THAP3: variants seen among roughly 807,000 people sequenced by gnomAD.
THAP3 encodes the protein THAP domain containing 3.
In THAP3, 12 loss-of-function variants were observed where a neutral mutation model predicts 17.7. That is an observed-to-expected ratio of 0.68 (90% CI 0.43 to 1.10). THAP3 has a LOEUF of 1.10. Among genes scored for constraint, THAP3 ranks in the 50% least tolerant of loss-of-function variants. The pLI, the probability that THAP3 is intolerant of heterozygous loss-of-function variation, is 0.00. For synonymous variants in THAP3, 133 were observed against 126.9 expected (o/e 1.05, Z -0.32); for missense variants, 289 against 318.0 (o/e 0.91, Z 0.69).
chr1:6,634,384 C>T, downstream of THAP3: 1 of 1,191,880 alleles, frequency 8.4e-7, no homozygotes, highest in East Asian at 4.0e-5. Context: ...AATTGGACAA[C>T]CCGAACTGCT....
At chr1:6,627,333 A>G (rs1641493472) in intron 2 of THAP3, among the ~76,000 whole-genome samples, 1 of 152,210 alleles carries the variant, frequency 6.6e-6, no homozygotes, top group Non-Finnish European at 1.5e-5. Flanking sequence ...GGAGAGCCTA[A>G]AAAGCACCTC....
At chr1:6,632,366 G>C in intron 4 of THAP3, 25 bp from the exon 5 acceptor site, 1 of 1,612,704 alleles carries the variant, frequency 6.2e-7, no homozygotes, top group Non-Finnish European at 8.5e-7. Context: ...GGGCTGTAGT[G>C]CAGACTTCAC....
downstream of THAP3, chr1:6,634,879 C>T (rs1641730139): frequency 4.1e-6 from 5 of 1,208,784 alleles, no homozygotes; most frequent in South Asian, 4.4e-5. Context: ...TCTTGAGCTG[C>T]CCTTGCCCAG....
rs956007512 is a variant in THAP3 at position 6,633,494 on chromosome 1, G to A, written c.*417G>A. On this transcript the variant is annotated 3_prime_UTR_variant, in exon 6 of 6. Coordinates refer to ENST00000054650, the MANE Select transcript of THAP3 (RefSeq NM_001195753.2). Reference sequence around the variant, plus strand: ...CCTCCATCAGCCTGGACAGCCGCTCGGGGTTCTAAGGAGTGACTCCTGTCC... The same window carrying A: ...CCTCCATCAGCCTGGACAGCCGCTCAGGGTTCTAAGGAGTGACTCCTGTCC... 29 of 1,118,646 alleles carry A rather than the reference G, an allele frequency of 2.6e-5. No individual in the cohort carries two copies. Among genetic ancestry groups the A allele is most frequent in the African/African-American group, 3.2e-5 (2 of 61,936 alleles). The allele number at this position is 1,118,646 out of a possible 1,614,324, so 69.3% of individuals were successfully genotyped here.
At position 6,632,779 on chromosome 1, in the gene THAP3, C is replaced by T; in HGVS notation, c.439-17C>T. 1 of 1,612,462 alleles carries T rather than the reference C, an allele frequency of 6.2e-7. No homozygotes were observed. Among genetic ancestry groups the T allele is most frequent in the Non-Finnish European group, 8.5e-7 (1 of 1,179,698 alleles). Reference sequence around the variant, plus strand: ...TGCTGGTGATGCAGCTCTAGGCTCTCACTCCCCTGTCCTCAGGTCTCGCCA... The same window carrying T: ...TGCTGGTGATGCAGCTCTAGGCTCTTACTCCCCTGTCCTCAGGTCTCGCCA... On this transcript the variant is annotated splice_polypyrimidine_tract_variant and intron_variant, in intron 5 of 5. Transcript: ENST00000054650.
downstream of THAP3, chr1:6,634,627 C>T (rs1323117087): frequency 1.2e-5 from 17 of 1,366,334 alleles, no homozygotes; most frequent in Non-Finnish European, 1.7e-5. Flanking sequence ...AACTTTACTG[C>T]AGCCGAGGTC....
intron 2 of THAP3, among the ~76,000 whole-genome samples, chr1:6,625,903 C>G (rs552047065): frequency 6.6e-6 from 1 of 152,172 alleles, no homozygotes; most frequent in South Asian, 2.1e-4. Context: ...TCCCATTGTT[C>G]TGTTTTGTGA....
chr1:6,631,622 C>T (rs545995189), intron 4 of THAP3, among the ~76,000 whole-genome samples: 11 of 151,682 alleles, frequency 7.3e-5, no homozygotes, highest in Admixed American at 3.9e-4. Context: ...TACAAAAATT[C>T]GGCTGGGCCT....
chr1:6,630,239 C>A, intron 3 of THAP3, 49 bp from the exon 4 acceptor site: 2 of 1,556,432 alleles, frequency 1.3e-6, no homozygotes, highest in Non-Finnish European at 1.8e-6. Flanking sequence ...CTGCCCCGAG[C>A]TCTGAGGGTT....
intron 3 of THAP3, 102 bp downstream of exon 3, chr1:6,628,793 C>G: frequency 8.3e-7 from 1 of 1,208,746 alleles, no homozygotes; most frequent in Non-Finnish European, 1.2e-6. Flanking sequence ...AAAGCCAAGG[C>G]CAAGAACTCC....
chr1:6,625,803 C>G (rs1570238468), intron 2 of THAP3, among the ~76,000 whole-genome samples: 1 of 152,164 alleles, frequency 6.6e-6, no homozygotes, highest in South Asian at 2.1e-4. Flanking sequence ...GTTGCGCTTT[C>G]TCCAAGGTCC....
At chr1:6,625,092 G>A (rs1230589252) in intron 1 of THAP3, 58 bp from the exon 2 acceptor site, 1 of 1,072,408 alleles carries the variant, frequency 9.3e-7, no homozygotes, top group East Asian at 3.0e-5. Flanking sequence ...GGATGAGCGC[G>A]CCCTGGAGGC....
chr1:6,627,375 C>CT (rs2148715685), intron 2 of THAP3, among the ~76,000 whole-genome samples: 1 of 152,198 alleles, frequency 6.6e-6, no homozygotes, highest in East Asian at 2.0e-4. Context: ...AAACAAACTT[C>CT]TTTTTTTGGA....
intron 3 of THAP3, among the ~76,000 whole-genome samples, chr1:6,629,258 C>T (rs936349316): frequency 1.3e-5 from 2 of 152,206 alleles, no homozygotes; most frequent in African/African-American, 2.4e-5. Context: ...GGGGCACCCA[C>T]GTGGAGTGGG....
downstream of THAP3, chr1:6,634,767 G>A (rs374919459): frequency 1.2e-4 from 164 of 1,330,336 alleles, 1 homozygote; most frequent in South Asian, 1.2e-3. Context: ...CTGCAGGAGC[G>A]GGGAGCTGCA....
Position 6,625,244 on chromosome 1 carries a change from A to C in THAP3, c.26A>C (p.Gln9Pro). The C allele has an allele frequency of 6.5e-7, 1 of 1,545,582 alleles. No individual in the cohort carries two copies. Reference sequence around the variant, plus strand: ...ATGCCGAAGTCGTGCGCGGCCCGGCAGTGCTGCAACCGCTACAGCAGCCGC... The same window carrying C: ...ATGCCGAAGTCGTGCGCGGCCCGGCCGTGCTGCAACCGCTACAGCAGCCGC... The part of the protein sequence containing the change: MPKSCAAR[Q>P]CCNRYSSRRK... The change falls in exon 2 of 6, where the codon CAG (glutamine) becomes CCG (proline). Residue 9 changes from glutamine to proline, a missense_variant. Gln to Pro is a moderately conservative substitution (Grantham distance 76). Transcript: ENST00000054650.
At chr1:6,626,932 TATGTACTTGGGG>T in intron 2 of THAP3, among the ~76,000 whole-genome samples, 2 of 152,348 alleles carry the variant, frequency 1.3e-5, no homozygotes, top group Admixed American at 1.3e-4. Context: ...CTCTGTCAGG[TATGTACTTGGGG>T]ATGGAGTTGC....
At chr1:6,635,497 C>A, downstream of THAP3, 1 of 678,026 alleles carries the variant, frequency 1.5e-6, no homozygotes, top group Non-Finnish European at 2.5e-6. Context: ...GTCCTACCCC[C>A]AGCACCCTCA....
At chr1:6,625,411 A>C in intron 2 of THAP3, 119 bp downstream of exon 2, 1 of 908,310 alleles carries the variant, frequency 1.1e-6, no homozygotes, top group South Asian at 2.3e-5. Flanking sequence ...GCCCGGGGAC[A>C]GGCCGAGGTC....
Sources: allele counts gnomAD v4.1 joint callset (sites outside exome capture counted in the v4.1 genomes callset), GRCh38; gene constraint gnomAD v4.1.1; transcripts MANE v1.5; gene names NCBI Gene and HGNC (gene_info 2026-07-23, HGNC 2026-07-21).